The following UNC93A variants were observed in gnomAD, a reference collection of about 807,000 sequenced individuals.
UNC93A encodes N-acetylglucosamine transporter UNC93A.
UNC93A carries 43 observed loss-of-function variants against 47.5 expected under a neutral mutation model. The ratio of observed to expected loss-of-function variants is 0.91; its 90% confidence interval spans 0.71 to 1.17. UNC93A has a LOEUF of 1.17. Among genes scored for constraint, UNC93A ranks in the 50% most tolerant of loss-of-function variants. The probability of loss-of-function intolerance (pLI) is 0.00; values close to 1 mark genes in which losing one functional copy is unlikely to be tolerated. For synonymous variants in UNC93A, 280 were observed against 258.0 expected (o/e 1.09, Z -0.82); for missense variants, 605 against 577.6 (o/e 1.05, Z -0.49).
Position 167,296,147 on chromosome 6 carries a change from C to T in UNC93A, c.385C>T (p.Arg129Cys), listed in dbSNP as rs761935242. Reference protein sequence around the residue: ...GNTHAEKAGKRGKDMVNQYFG... With the variant: ...GNTHAEKAGKCGKDMVNQYFG... Reference sequence around the variant, plus strand: ...CACACATGCAGAGAAGGCGGGAAAGCGTGGCAAAGACATGGTGAACCAGTA... The same window carrying T: ...CACACATGCAGAGAAGGCGGGAAAGTGTGGCAAAGACATGGTGAACCAGTA... Residue 129 changes from arginine (R) to cysteine (C), a missense_variant, in exon 3 of 8, where the codon CGT becomes TGT. Arg to Cys is a radical substitution (Grantham distance 180). Transcript: ENST00000230256. 124 of 1,614,102 alleles carry T rather than the reference C, an allele frequency of 7.7e-5. No individual in the cohort carries two copies. Among genetic ancestry groups the T allele is most frequent in the East Asian group, 1.8e-4 (8 of 44,904 alleles).
At chr6:167,274,437 T>C (rs935458501) in intron 1 of UNC93A, among the ~76,000 whole-genome samples, 5 of 152,186 alleles carry the variant, frequency 3.3e-5, no homozygotes, top group African/African-American at 1.2e-4. Context: ...GATGGTTATT[T>C]CTTCAGGAAG....
At chr6:167,277,594 C>A (rs1035737300) in intron 1 of UNC93A, among the ~76,000 whole-genome samples, 1 of 151,884 alleles carries the variant, frequency 6.6e-6, no homozygotes, top group Admixed American at 6.6e-5. Context: ...ACTGTCTCCA[C>A]CGTTCTCTGG....
intron 1 of UNC93A, among the ~76,000 whole-genome samples, chr6:167,275,624 C>T (rs1228705875): frequency 1.3e-5 from 2 of 152,228 alleles, no homozygotes; most frequent in Non-Finnish European, 2.9e-5. Flanking sequence ...CAGCATCAGG[C>T]AGGCCTGGCT....
chr6:167,299,982 A>T (rs780765768), intron 4 of UNC93A, among the ~76,000 whole-genome samples: 8 of 152,132 alleles, frequency 5.3e-5, no homozygotes, highest in Non-Finnish European at 1.2e-4. Flanking sequence ...AGTCCAGAGG[A>T]GGGAGCAGGT....
chr6:167,302,508 G>T (rs1191451515), intron 4 of UNC93A, among the ~76,000 whole-genome samples: 1 of 152,152 alleles, frequency 6.6e-6, no homozygotes, highest in Non-Finnish European at 1.5e-5. Flanking sequence ...GAGGAAAACA[G>T]TGGAGATGCA....
chr6:167,307,645 A>G (rs1371858734), intron 6 of UNC93A, 134 bp from the exon 7 acceptor site: 3 of 1,100,334 alleles, frequency 2.7e-6, no homozygotes, highest in Non-Finnish European at 3.9e-6. Flanking sequence ...GATGGTTGAG[A>G]TGGTTGAGAC....
At chr6:167,312,630 G>A (rs13209799) in intron 7 of UNC93A, among the ~76,000 whole-genome samples, 37,603 of 152,024 alleles carry the variant, frequency 0.25, 4,766 homozygotes, top group South Asian at 0.32. Flanking sequence ...TCCATTCTCC[G>A]GCAGCCAGAA....
chr6:167,278,509 A>G (rs929348699), intron 1 of UNC93A, among the ~76,000 whole-genome samples: 3 of 152,220 alleles, frequency 2.0e-5, no homozygotes, highest in African/African-American at 7.2e-5. Context: ...ATCAGGAAGA[A>G]TTTAGACTTT....
At chr6:167,275,253 G>C (rs73257110) in intron 1 of UNC93A, among the ~76,000 whole-genome samples, 10,046 of 152,238 alleles carry the variant, frequency 0.066, 647 homozygotes, top group African/African-American at 0.17. Flanking sequence ...ATTCTGCCAC[G>C]TCCTCCTCTG....
chr6:167,309,292 A>C (rs951121439), intron 7 of UNC93A, among the ~76,000 whole-genome samples: 4 of 152,192 alleles, frequency 2.6e-5, no homozygotes, highest in African/African-American at 7.2e-5. Context: ...GTCACTAGGA[A>C]GAGAAGGAAG....
intron 1 of UNC93A, among the ~76,000 whole-genome samples, chr6:167,285,966 A>C (rs202029209): frequency 0.02 from 2,558 of 129,608 alleles, 71 homozygotes; most frequent in African/African-American, 0.048. Context: ...CTCTCTATAT[A>C]TATATATATA....
upstream of UNC93A, among the ~76,000 whole-genome samples, chr6:167,290,912 G>C (rs1783828250): frequency 6.6e-6 from 1 of 152,154 alleles, no homozygotes; most frequent in Non-Finnish European, 1.5e-5. Flanking sequence ...AATAATTGCT[G>C]TACTGTGTTG....
intron 1 of UNC93A, among the ~76,000 whole-genome samples, chr6:167,280,235 C>T (rs552552115): frequency 3.5e-4 from 54 of 152,268 alleles, no homozygotes; most frequent in African/African-American, 1.2e-3. Context: ...GTGGCTCCTA[C>T]CCCCTGCAGG....
intron 1 of UNC93A, among the ~76,000 whole-genome samples, chr6:167,281,648 T>C (rs1224169780): frequency 1.3e-5 from 2 of 152,178 alleles, no homozygotes; most frequent in Non-Finnish European, 2.9e-5. Flanking sequence ...TCAGGCTCCA[T>C]GACTAAGCTC....
At position 167,291,418 on chromosome 6, in the gene UNC93A, G is replaced by A. The variant is rs1783837051; in HGVS notation, c.-72G>A. The A allele has an allele frequency of 7.4e-7, 1 of 1,348,394 alleles. No individual in the cohort carries two copies. Among genetic ancestry groups the A allele is most frequent in the Non-Finnish European group, 1.0e-6 (1 of 956,028 alleles). 83.5% of individuals were successfully genotyped at this position (1,348,394 alleles called of 1,614,324 possible). A position where few individuals can be genotyped will look rare whatever the true frequency, so the allele number is the denominator to read the frequency against. ...TCTTGGTACTGATTGTTTTTCCCAT[G>A]CCTCAATTGGTTTCTTTTAGGGAGC... On this transcript the variant is annotated 5_prime_UTR_variant, in exon 1 of 8. The change abolishes an upstream ATG in the 5' untranslated region. Transcript: ENST00000230256.
intron 1 of UNC93A, among the ~76,000 whole-genome samples, chr6:167,272,545 G>A (rs1783466367): frequency 6.6e-6 from 1 of 152,204 alleles, no homozygotes; most frequent in African/African-American, 2.4e-5. Flanking sequence ...GTGGTGGGGA[G>A]CAGCTTGGAT....
At chr6:167,269,775 T>G (rs1783421747), upstream of UNC93A, among the ~76,000 whole-genome samples, 1 of 151,744 alleles carries the variant, frequency 6.6e-6, no homozygotes, top group African/African-American at 2.4e-5. Flanking sequence ...CCTGGCTTTT[T>G]TTTGTGTGTG....
chr6:167,305,808 C>T, intron 5 of UNC93A, 107 bp from the exon 6 acceptor site: 1 of 1,516,908 alleles, frequency 6.6e-7, no homozygotes, highest in South Asian at 1.2e-5. Context: ...CAACACTGGC[C>T]TGCTGGCCAT....
At position 167,282,745 on chromosome 6, in the gene UNC93A, TGCCCAAGGTGGTTGG is replaced by T. The variant is rs1269239132; in HGVS notation, c.-51-8691_-51-8677del. Among the ~76,000 whole-genome samples, 3 of 152,194 alleles carry T rather than the reference TGCCCAAGGTGGTTGG, an allele frequency of 2.0e-5. No individual in the cohort carries two copies. In the East Asian group the frequency reaches 5.8e-4, roughly 29 times the overall value. ...CCAGGACACAGATCCTGAGAACATG[TGCCCAAGGTGGTTGG>T]GCTACTGCTTGGTTTCATATGTTCT... On this transcript the variant is annotated intron_variant, in intron 1 of 3. Transcript: ENST00000503433.
Sources: allele counts gnomAD v4.1 joint callset (sites outside exome capture counted in the v4.1 genomes callset), GRCh38; gene constraint gnomAD v4.1.1; transcripts MANE v1.5; gene names NCBI Gene and HGNC (gene_info 2026-07-23, HGNC 2026-07-21).